The following SPOCK1 variants were observed in gnomAD, a reference collection of about 807,000 sequenced individuals.
SPOCK1 encodes the protein SPARC (osteonectin), cwcv and kazal like domains proteoglycan 1.
A neutral mutation model predicts 55.3 loss-of-function variants in SPOCK1; 23 were observed. That is an observed-to-expected ratio of 0.42 (90% CI 0.30 to 0.59). The LOEUF is 0.59. Ranked by LOEUF, SPOCK1 falls within the 20% of genes least tolerant of loss-of-function variation. The probability of loss-of-function intolerance (pLI) is 0.22; values close to 1 mark genes in which losing one functional copy is unlikely to be tolerated. For synonymous variants in SPOCK1, 226 were observed against 221.0 expected (o/e 1.02, Z -0.20); for missense variants, 499 against 552.5 (o/e 0.90, Z 0.97).
intron 3 of SPOCK1, among the ~76,000 whole-genome samples, chr5:137,212,688 C>A (rs1755639154): frequency 6.6e-6 from 1 of 152,188 alleles, no homozygotes; most frequent in African/African-American, 2.4e-5. Context: ...GGGCCAAAGG[C>A]AAGGAGACTT....
At chr5:137,057,560 A>G (rs540416992) in intron 6 of SPOCK1, among the ~76,000 whole-genome samples, 3 of 152,330 alleles carry the variant, frequency 2.0e-5, no homozygotes, top group South Asian at 2.1e-4. Context: ...TAAAAGTTAT[A>G]TTTTGTGAAC....
chr5:137,345,485 C>T (rs1750536793), intron 2 of SPOCK1, among the ~76,000 whole-genome samples: 1 of 152,224 alleles, frequency 6.6e-6, no homozygotes, highest in Non-Finnish European at 1.5e-5. Context: ...CAAATTTGCT[C>T]TATCCAAGAA....
intron 5 of SPOCK1, among the ~76,000 whole-genome samples, chr5:137,111,514 C>T (rs958473147): frequency 6.6e-6 from 1 of 152,128 alleles, no homozygotes; most frequent in African/African-American, 2.4e-5. Context: ...GTTAGTCTAG[C>T]AATGTTAGAT....
intron 9 of SPOCK1, among the ~76,000 whole-genome samples, chr5:136,984,381 C>T (rs1016345876): frequency 7.6e-5 from 7 of 92,346 alleles, no homozygotes; most frequent in East Asian, 2.2e-4. Context: ...GAATGCTTCA[C>T]GGGAATAATT....
intron 2 of SPOCK1, among the ~76,000 whole-genome samples, chr5:137,411,533 T>C (rs1752208316): frequency 6.6e-6 from 1 of 152,200 alleles, no homozygotes. Flanking sequence ...TATTGGCATT[T>C]GAAGACAATC....
At chr5:137,074,799 G>C (rs1275945392) in intron 5 of SPOCK1, among the ~76,000 whole-genome samples, 1 of 152,128 alleles carries the variant, frequency 6.6e-6, no homozygotes, top group Non-Finnish European at 1.5e-5. Context: ...CCACCTCCCA[G>C]GTTCAGGCCA....
At chr5:137,439,484 C>T (rs1375695900) in intron 2 of SPOCK1, among the ~76,000 whole-genome samples, 1 of 152,094 alleles carries the variant, frequency 6.6e-6, no homozygotes, top group Non-Finnish European at 1.5e-5. Flanking sequence ...GGTGAGGGGG[C>T]TAAAGTAAAA....
intron 2 of SPOCK1, among the ~76,000 whole-genome samples, chr5:137,290,937 T>C (rs1168046068): frequency 6.6e-6 from 1 of 152,232 alleles, no homozygotes; most frequent in South Asian, 2.1e-4. Flanking sequence ...TGCTGGTATC[T>C]TTCCAAGTGC....
At chr5:137,087,371 G>A (rs538469365) in intron 5 of SPOCK1, among the ~76,000 whole-genome samples, 1 of 152,364 alleles carries the variant, frequency 6.6e-6, no homozygotes, top group African/African-American at 2.4e-5. Context: ...GCTCTAAAGA[G>A]AGAACTAGTA....
chr5:136,993,361 C>T (rs994397801), intron 6 of SPOCK1, among the ~76,000 whole-genome samples: 1 of 152,064 alleles, frequency 6.6e-6, no homozygotes, highest in Non-Finnish European at 1.5e-5. Context: ...AAAGAAATCC[C>T]AAAGGAATAA....
At chr5:137,406,324 T>C (rs764881417) in intron 2 of SPOCK1, among the ~76,000 whole-genome samples, 2 of 152,158 alleles carry the variant, frequency 1.3e-5, no homozygotes, top group Non-Finnish European at 2.9e-5. Flanking sequence ...GACTGAGGTG[T>C]GTATCAATGA....
At chr5:137,217,831 G>A (rs1413505004) in intron 3 of SPOCK1, among the ~76,000 whole-genome samples, 2 of 152,150 alleles carry the variant, frequency 1.3e-5, no homozygotes, top group Non-Finnish European at 2.9e-5. Context: ...GCTAAGTAAT[G>A]TATCCAAGGT....
chr5:137,392,285 C>A (rs1205157920), intron 2 of SPOCK1, among the ~76,000 whole-genome samples: 1 of 152,190 alleles, frequency 6.6e-6, no homozygotes, highest in African/African-American at 2.4e-5. Context: ...CCATAGACAT[C>A]CAACCGCCCA....
At chr5:137,172,689 A>T (rs933438537) in intron 3 of SPOCK1, among the ~76,000 whole-genome samples, 11 of 151,950 alleles carry the variant, frequency 7.2e-5, no homozygotes. Context: ...TTAACTACAC[A>T]CTCCCAATGT....
chr5:137,348,748 T>A (rs1299322591), intron 2 of SPOCK1, among the ~76,000 whole-genome samples: 2 of 152,202 alleles, frequency 1.3e-5, no homozygotes, highest in Non-Finnish European at 2.9e-5. Flanking sequence ...TCTGAAAGGA[T>A]GGAGCACACG....
At chr5:137,055,418 T>C (rs1174391282) in intron 6 of SPOCK1, among the ~76,000 whole-genome samples, 1 of 152,156 alleles carries the variant, frequency 6.6e-6, no homozygotes, top group Non-Finnish European at 1.5e-5. Context: ...TAAATATAGC[T>C]CAGAGGCCTT....
At chr5:137,388,566 T>C (rs1319155774) in intron 2 of SPOCK1, among the ~76,000 whole-genome samples, 3 of 152,144 alleles carry the variant, frequency 2.0e-5, no homozygotes, top group Non-Finnish European at 4.4e-5. Context: ...CAACCTCTCA[T>C]TGAAGTCCAC....
chr5:137,012,424 C>T (rs1375364381), intron 6 of SPOCK1, among the ~76,000 whole-genome samples: 1 of 152,136 alleles, frequency 6.6e-6, no homozygotes, highest in East Asian at 1.9e-4. Context: ...TTCTCCCTGC[C>T]ATCCTCCCAC....
rs528611653 is a variant in SPOCK1 at position 137,347,044 on chromosome 5, T to C, written c.187-79989A>G. On this transcript the variant is annotated intron_variant, in intron 2 of 10. Coordinates refer to ENST00000394945, the MANE Select transcript of SPOCK1 (RefSeq NM_004598.4). ...CTAAACATGTCTCAAAGGCACCACTTACCTCCCCTGCAGCGTCATTACCTT... is the reference window on the plus strand; with the variant it reads ...CTAAACATGTCTCAAAGGCACCACTCACCTCCCCTGCAGCGTCATTACCTT... Among the ~76,000 whole-genome samples, 5 of 152,226 alleles carry C rather than the reference T, an allele frequency of 3.3e-5. No individual in the cohort carries two copies. The East Asian group carries it at 9.7e-4, about 29-fold the overall frequency.
Sources: allele counts gnomAD v4.1 joint callset (sites outside exome capture counted in the v4.1 genomes callset), GRCh38; gene constraint gnomAD v4.1.1; transcripts MANE v1.5; gene names NCBI Gene and HGNC (gene_info 2026-07-23, HGNC 2026-07-21).